Variants in GALNTL6 observed in about 807,000 individuals in gnomAD.
The protein encoded by GALNTL6 is polypeptide N-acetylgalactosaminyltransferase like 6.
GALNTL6 carries 46 observed loss-of-function variants against 73.7 expected under a neutral mutation model. The ratio of observed to expected loss-of-function variants is 0.62; its 90% CI spans 0.49 to 0.80. GALNTL6 has a LOEUF of 0.80. Ranked by LOEUF, GALNTL6 falls within the 30% of genes least tolerant of loss-of-function variation. The pLI is 0.00. For missense variants in GALNTL6, 604 were observed against 755.0 expected, an observed-to-expected ratio of 0.80 and a Z score of 2.34; for synonymous variants, 259 against 263.7, an observed-to-expected ratio of 0.98 and a Z score of 0.17.
intron 5 of GALNTL6, among the ~76,000 whole-genome samples, chr4:172,675,068 A>T (rs1172122118): frequency 6.6e-6 from 1 of 152,170 alleles, no homozygotes; most frequent in Non-Finnish European, 1.5e-5. Flanking sequence ...AGTTTTCAGC[A>T]TTCTTGCACT....
intron 5 of GALNTL6, among the ~76,000 whole-genome samples, chr4:172,771,971 G>A (rs1326409368): frequency 6.6e-6 from 1 of 152,278 alleles, no homozygotes; most frequent in African/African-American, 2.4e-5. Flanking sequence ...GCAATTTACA[G>A]AAGAAGGAGC....
chr4:172,188,629 G>T (rs899104913), intron 2 of GALNTL6, among the ~76,000 whole-genome samples: 2 of 152,198 alleles, frequency 1.3e-5, no homozygotes, highest in South Asian at 2.1e-4. Context: ...GGTGTGCTAA[G>T]GCAGTGTTTT....
chr4:172,275,505 C>T (rs1011441626), intron 3 of GALNTL6, among the ~76,000 whole-genome samples: 1 of 152,086 alleles, frequency 6.6e-6, no homozygotes, highest in Admixed American at 6.5e-5. Flanking sequence ...ATAGTACCTA[C>T]CTTAGGGGTT....
chr4:172,170,521 T>C (rs2110819166), intron 2 of GALNTL6, among the ~76,000 whole-genome samples: 1 of 150,006 alleles, frequency 6.7e-6, no homozygotes, highest in South Asian at 2.1e-4. Flanking sequence ...TTTTTTTTTT[T>C]TTTTTTGAGA....
intron 2 of GALNTL6, among the ~76,000 whole-genome samples, chr4:172,032,334 G>A (rs1741793391): frequency 6.6e-6 from 1 of 152,028 alleles, no homozygotes; most frequent in African/African-American, 2.4e-5. Flanking sequence ...ATGACACTCT[G>A]AATATTGCTC....
intron 10 of GALNTL6, among the ~76,000 whole-genome samples, chr4:172,957,323 A>C (rs988894360): frequency 2.0e-5 from 3 of 152,212 alleles, no homozygotes; most frequent in African/African-American, 7.2e-5. Context: ...AGAGGTTATG[A>C]AATGATGACA....
chr4:172,958,714 A>G (rs531710182), intron 10 of GALNTL6, among the ~76,000 whole-genome samples: 3 of 152,296 alleles, frequency 2.0e-5, no homozygotes, highest in South Asian at 4.1e-4. Flanking sequence ...GACTGAAGTA[A>G]TGGGGGCTGT....
chr4:172,181,325 A>G (rs1735236155), intron 2 of GALNTL6, among the ~76,000 whole-genome samples: 1 of 152,206 alleles, frequency 6.6e-6, no homozygotes, highest in East Asian at 1.9e-4. Flanking sequence ...TACTCAAATC[A>G]ATAAATGTAA....
chr4:172,180,385 A>G (rs924785863), intron 2 of GALNTL6, among the ~76,000 whole-genome samples: 1 of 150,756 alleles, frequency 6.6e-6, no homozygotes, highest in Non-Finnish European at 1.5e-5. Flanking sequence ...ATTTTCTGCC[A>G]TTCTGTAGGT....
chr4:172,547,466 A>G (rs926894132), intron 5 of GALNTL6, among the ~76,000 whole-genome samples: 26 of 152,138 alleles, frequency 1.7e-4, no homozygotes, highest in Admixed American at 1.7e-3. Context: ...CTCCCAAAGA[A>G]TATATAGCTG....
At chr4:172,821,909 GC>G (rs1004388478) in intron 7 of GALNTL6, among the ~76,000 whole-genome samples, 2 of 152,096 alleles carry the variant, frequency 1.3e-5, no homozygotes, top group Non-Finnish European at 2.9e-5. Flanking sequence ...TCCTTTTGAA[GC>G]CCCCTCCCCC....
chr4:172,476,242 G>T (rs1485476135), intron 5 of GALNTL6, among the ~76,000 whole-genome samples: 2 of 152,186 alleles, frequency 1.3e-5, no homozygotes, highest in Non-Finnish European at 2.9e-5. Context: ...CATAGAAATG[G>T]CACCCTCTCG....
chr4:171,982,576 G>T (rs1162630851), intron 2 of GALNTL6, among the ~76,000 whole-genome samples: 1 of 152,140 alleles, frequency 6.6e-6, no homozygotes. Context: ...GGGATTACAA[G>T]CATGAGCCAC....
chr4:172,219,312 C>T (rs1736600682), intron 2 of GALNTL6, among the ~76,000 whole-genome samples: 1 of 149,978 alleles, frequency 6.7e-6, no homozygotes, highest in Non-Finnish European at 1.5e-5. Flanking sequence ...ATCTATGTTT[C>T]TCATTATTAA....
At chr4:172,880,165 A>G (rs1745383001) in intron 7 of GALNTL6, among the ~76,000 whole-genome samples, 1 of 152,054 alleles carries the variant, frequency 6.6e-6, no homozygotes, top group Admixed American at 6.6e-5. Flanking sequence ...TATTCCCAGG[A>G]GAAATAAAAG....
intron 5 of GALNTL6, among the ~76,000 whole-genome samples, chr4:172,495,961 A>G (rs1316256755): frequency 6.6e-6 from 1 of 152,212 alleles, no homozygotes; most frequent in Non-Finnish European, 1.5e-5. Flanking sequence ...ACACTCTGAG[A>G]ACCTCAAAGC....
At chr4:172,250,695 A>G (rs993637394) in intron 3 of GALNTL6, among the ~76,000 whole-genome samples, 6 of 152,128 alleles carry the variant, frequency 3.9e-5, no homozygotes, top group African/African-American at 1.4e-4. Flanking sequence ...TCTCCCCAGC[A>G]CTGCAGAATT....
intron 5 of GALNTL6, among the ~76,000 whole-genome samples, chr4:172,666,249 A>G (rs1456702473): frequency 6.6e-6 from 1 of 152,202 alleles, no homozygotes; most frequent in Admixed American, 6.6e-5. Flanking sequence ...TACATGGTGA[A>G]TGGTGTTTCT....
At chr4:172,138,547 T>TTTTTTTG in intron 2 of GALNTL6, among the ~76,000 whole-genome samples, 1 of 98,126 alleles carries the variant, frequency 1.0e-5, no homozygotes, top group Admixed American at 1.1e-4. Flanking sequence ...TTTTTTTTTT[T>TTTTTTTG]GAGACGCAAT....
Sources: gnomAD v4.1 joint callset for allele counts (sites outside exome capture counted in the v4.1 genomes callset) on GRCh38, gnomAD v4.1.1 for gene constraint, MANE v1.5 for transcripts, NCBI Gene and HGNC (gene_info 2026-07-23, HGNC 2026-07-21) for gene names.